Variants in MICAL3 observed in about 807,000 individuals in gnomAD.
The protein encoded by MICAL3 is [F-actin]-monooxygenase MICAL3.
MICAL3 carries 62 observed loss-of-function variants against 207.4 expected under a neutral mutation model. The ratio of observed to expected loss-of-function variants is 0.30; its 90% CI spans 0.24 to 0.37. The LOEUF is 0.37. Ranked by LOEUF, MICAL3 falls within the 10% of genes least tolerant of loss-of-function variation. The pLI, the probability that MICAL3 is intolerant of heterozygous loss-of-function variation, is 1.00. For synonymous variants in MICAL3, 1,077 were observed against 1,069.3 expected, an observed-to-expected ratio of 1.01 and a Z score of -0.14; for missense variants, 2,368 against 2,635.6, an observed-to-expected ratio of 0.90 and a Z score of 2.22.
At position 17,803,797 on chromosome 22, in the gene MICAL3, G is replaced by A. The variant is rs530293287; in HGVS notation, c.5650+5047C>T. The A allele has an allele frequency of 1.5e-4, 146 of 984,722 alleles. No individual in the cohort carries two copies. The Middle Eastern group carries it at 5.2e-3, about 35-fold the overall frequency. The allele number at this position is 984,722 out of a possible 1,614,324, so 61.0% of individuals were successfully genotyped here. On this transcript the variant is annotated intron_variant, in intron 29 of 31. Transcript: ENST00000441493. Reference sequence around the variant, plus strand: ...CAGCGGGGTTAGTGTCAGCACAGGCGCTGCCATACATACCACCCAGATGCA... The same window carrying A: ...CAGCGGGGTTAGTGTCAGCACAGGCACTGCCATACATACCACCCAGATGCA...
chr22:17,878,082 T>C (rs1365902750), intron 16 of MICAL3, among the ~76,000 whole-genome samples: 1 of 152,232 alleles, frequency 6.6e-6, no homozygotes, highest in Non-Finnish European at 1.5e-5. Flanking sequence ...CTCGATCTCC[T>C]GACCTCGTGA....
At chr22:17,910,474 G>T (rs993421565) in intron 1 of MICAL3, among the ~76,000 whole-genome samples, 2 of 152,228 alleles carry the variant, frequency 1.3e-5, no homozygotes, top group African/African-American at 4.8e-5. Flanking sequence ...ACAGCTCCCA[G>T]AGAGCTGCAG....
intron 1 of MICAL3, among the ~76,000 whole-genome samples, chr22:17,915,736 C>T (rs564560613): frequency 6.6e-6 from 1 of 152,060 alleles, no homozygotes; most frequent in Non-Finnish European, 1.5e-5. Context: ...GACATGTCAA[C>T]GGCACCAAGC....
chr22:18,007,374 C>T (rs1307937810), intron 1 of MICAL3: 9 of 151,874 alleles, frequency 5.9e-5, no homozygotes, highest in African/African-American at 2.2e-4. Context: ...ATCTACTTTT[C>T]TACTTAATAG....
At chr22:17,945,412 C>T (rs752275140) in intron 1 of MICAL3, among the ~76,000 whole-genome samples, 2 of 152,174 alleles carry the variant, frequency 1.3e-5, no homozygotes, top group Non-Finnish European at 2.9e-5. Flanking sequence ...TGCCAACATC[C>T]GCTGTGGGCT....
Position 17,790,574 on chromosome 22 carries a change from C to A in MICAL3, c.*158G>T. On this transcript the variant is annotated 3_prime_UTR_variant, in exon 32 of 32. Coordinates refer to ENST00000441493, the MANE Select transcript of MICAL3 (RefSeq NM_015241.3). Reference sequence around the variant, plus strand: ...AACCACTGTCACCTGGGGCTCCCCACTGCACGCGGGACTCGACCACTTTCC... The same window carrying A: ...AACCACTGTCACCTGGGGCTCCCCAATGCACGCGGGACTCGACCACTTTCC... 1 of 672,554 alleles carries A rather than the reference C, an allele frequency of 1.5e-6. No individual in the cohort carries two copies. Among genetic ancestry groups the A allele is most frequent in the Admixed American group, 2.9e-5 (1 of 34,128 alleles). 41.7% of individuals were successfully genotyped at this position (672,554 alleles called of 1,614,324 possible).
intron 1 of MICAL3, among the ~76,000 whole-genome samples, chr22:17,947,882 T>A (rs1934148519): frequency 6.6e-6 from 1 of 152,104 alleles, no homozygotes; most frequent in South Asian, 2.1e-4. Context: ...ACAATGCTCA[T>A]CTTCAAACCG....
intron 15 of MICAL3, 102 bp downstream of exon 15, chr22:17,887,068 G>T: frequency 1.3e-5 from 6 of 467,852 alleles, no homozygotes; most frequent in South Asian, 3.5e-5. Context: ...CATAAAGGAT[G>T]AATATGAAAA....
At chr22:17,809,919 C>T (rs745935753) in intron 28 of MICAL3, among the ~76,000 whole-genome samples, 43 of 151,876 alleles carry the variant, frequency 2.8e-4, no homozygotes, top group African/African-American at 9.4e-4. Context: ...GATGGAGGCT[C>T]GCCCTCTCAC....
At chr22:17,808,540 G>A (rs1569073314) in intron 29 of MICAL3, among the ~76,000 whole-genome samples, 1 of 152,192 alleles carries the variant, frequency 6.6e-6, no homozygotes, top group Admixed American at 6.5e-5. Context: ...CCCTCCTAGA[G>A]TAAATGGTGG....
chr22:17,996,830 T>A (rs1922338607), intron 1 of MICAL3, among the ~76,000 whole-genome samples: 1 of 151,610 alleles, frequency 6.6e-6, no homozygotes, highest in African/African-American at 2.4e-5. Flanking sequence ...AGGAATCAGA[T>A]TTTCAGCTCT....
intron 16 of MICAL3, chr22:17,875,400 T>A: frequency 8.1e-7 from 1 of 1,235,838 alleles, no homozygotes; most frequent in Non-Finnish European, 1.1e-6. Context: ...GTGACGTGAG[T>A]GGAGGCTGCG....
intron 19 of MICAL3, among the ~76,000 whole-genome samples, chr22:17,850,293 G>A (rs1198564014): frequency 6.6e-6 from 1 of 151,770 alleles, no homozygotes; most frequent in African/African-American, 2.4e-5. Context: ...AGCATGCCGA[G>A]GACACCCCTG....
chr22:17,818,847 C>T lies in MICAL3; in HGVS notation c.3814G>A (p.Val1272Ile). 6.5e-7 allele frequency: 1 copy of T among 1,546,800 alleles called. No individual in the cohort carries two copies. The highest frequency in any genetic ancestry group is 8.7e-7 in the Non-Finnish European group (1 of 1,144,156). Residue 1272 changes from valine to isoleucine, a missense_variant, in exon 26 of 32, where the codon GTC (valine) becomes ATC (isoleucine). Physicochemically the swap from Val to Ile is conservative, Grantham distance 29. This residue lies in a region of MICAL3 where 1,770 missense variants were observed against 1,863.2 expected (regional missense o/e 0.95). Transcript: ENST00000441493. Reference sequence around the variant, plus strand: ...ATGGGGGACTGGGTAGGGGATGGGACAGTGGCCTCGGTGGAAGGCTGGGGC... The same window carrying T: ...ATGGGGGACTGGGTAGGGGATGGGATAGTGGCCTCGGTGGAAGGCTGGGGC... ...SQPQPSTEAT[V>I]PSPTQSPIRF...
In MICAL3 at chr22:17,790,450, C is replaced by T. The variant is rs1313078472; in HGVS notation, c.*282G>A. On this transcript the variant is annotated 3_prime_UTR_variant, in exon 32 of 32. Transcript: ENST00000441493. ...ACAGCCAGCACATCCTCAGGGAGCG[C>T]GCGGGGTGGTCCCCTGCGTCATGCC... The T allele has an allele frequency of 3.5e-5, 16 of 458,796 alleles. No homozygotes were observed. The highest frequency in any genetic ancestry group is 7.5e-5 in the Admixed American group (2 of 26,772). The allele number at this position is 458,796 out of a possible 1,614,324, so 28.4% of individuals were successfully genotyped here. A position where few individuals can be genotyped will look rare whatever the true frequency, so the allele number is the denominator to read the frequency against.
chr22:18,019,806 A>ATTTTTTTTTTTTT lies in MICAL3; in HGVS notation c.-75+4462_-75+4474dup, dbSNP rs34107345. On this transcript the variant is annotated intron_variant, in intron 1 of 31. Transcript: ENST00000441493. ...ACTAGAGAAAATGAGAATGCTGCTGATTTTTTTTTTTTTTTTTTTTTTTTT... is the reference window on the plus strand; with the variant it reads ...ACTAGAGAAAATGAGAATGCTGCTGATTTTTTTTTTTTTTTTTTTTTTTTTTTTTTTTTTTTTT... 2.6e-5 allele frequency: 2 copies of ATTTTTTTTTTTTT among 77,800 alleles called. 1 individual carries two copies. The highest frequency in any genetic ancestry group is 1.2e-4 in the African/African-American group (2 of 16,742). The allele number at this position is 77,800 out of a possible 1,614,324, so 4.8% of individuals were successfully genotyped here.
chr22:17,955,587 ACACT>A (rs1309705874), intron 1 of MICAL3, among the ~76,000 whole-genome samples: 1 of 152,242 alleles, frequency 6.6e-6, no homozygotes, highest in Admixed American at 6.5e-5. Flanking sequence ...AGAGATGCCT[ACACT>A]CACTCACACA....
intron 1 of MICAL3, among the ~76,000 whole-genome samples, chr22:17,935,044 C>T (rs943360412): frequency 6.6e-6 from 1 of 152,142 alleles, no homozygotes; most frequent in Admixed American, 6.5e-5. Context: ...CATCAAGCTA[C>T]GAATGACTTT....
intron 1 of MICAL3, among the ~76,000 whole-genome samples, chr22:17,954,803 G>A (rs1934533382): frequency 6.6e-6 from 1 of 151,108 alleles, no homozygotes; most frequent in Non-Finnish European, 1.5e-5. Context: ...CTGGAGTGTA[G>A]TGGTGCGATC....
Sources: allele counts gnomAD v4.1 joint callset (sites outside exome capture counted in the v4.1 genomes callset), GRCh38; gene constraint gnomAD v4.1.1; regional missense constraint gnomAD v4.1.1; transcripts MANE v1.5; gene names NCBI Gene and HGNC (gene_info 2026-07-23, HGNC 2026-07-21).